The following FAT3 variants were observed in gnomAD, a reference collection of about 807,000 sequenced individuals.
FAT3 encodes the protein FAT atypical cadherin 3.
In FAT3, 95 loss-of-function variants were observed where a neutral mutation model predicts 310.2. That is an observed-to-expected ratio of 0.31 (90% CI 0.26 to 0.36). The LOEUF (loss-of-function observed/expected upper bound fraction) is 0.36, where lower values mean the gene tolerates loss of function less well. FAT3 is among the 10% of genes least tolerant of loss of function. The probability of loss-of-function intolerance (pLI) is 1.00; values close to 1 mark genes in which losing one functional copy is unlikely to be tolerated. For synonymous variants in FAT3, 2,314 were observed against 2,192.9 expected, an observed-to-expected ratio of 1.06 and a Z score of -1.54; for missense variants, 5,408 against 5,715.6, an observed-to-expected ratio of 0.95 and a Z score of 1.74.
chr11:92,675,287 A>G (rs931805734), intron 3 of FAT3, among the ~76,000 whole-genome samples: 4 of 152,248 alleles, frequency 2.6e-5, no homozygotes, highest in South Asian at 2.1e-4. Context: ...TCCTAAATGT[A>G]TAGCTTGGTC....
chr11:92,330,795 T>G (rs2134534551), intron 1 of FAT3, among the ~76,000 whole-genome samples: 1 of 152,340 alleles, frequency 6.6e-6, no homozygotes, highest in South Asian at 2.1e-4. Flanking sequence ...AATTGTTTTA[T>G]TTTTTAGAAT....
chr11:92,416,666 C>G (rs1475775158), intron 2 of FAT3, among the ~76,000 whole-genome samples: 2 of 152,162 alleles, frequency 1.3e-5, no homozygotes, highest in East Asian at 3.9e-4. Context: ...GATGTGAAAA[C>G]AGTTCAAATA....
chr11:92,799,262 C>A lies in FAT3; in HGVS notation c.6249C>A (p.Val2083=). 6.2e-7 allele frequency: 1 copy of A among 1,613,880 alleles called. No homozygotes were observed. Among genetic ancestry groups the A allele is most frequent in the Admixed American group, 1.7e-5 (1 of 60,014 alleles). Residue 2083 remains valine, a synonymous_variant, in exon 10 of 28, where the codon GTC becomes GTA. Transcript: ENST00000525166. ...NIEDINDNSP[V]FVGLPYYAAV... ...AAGACATAAATGACAATTCTCCAGT[C>A]TTTGTGGGCCTCCCATACTATGCTG...
rs1946871983 is a variant in FAT3 at position 92,785,671 on chromosome 11, A to G, written c.4336-4272A>G. Among the ~76,000 whole-genome samples the G allele has an allele frequency of 2.0e-5, 3 of 152,194 alleles. No individual in the cohort carries two copies. The South Asian group carries it at 6.2e-4, about 31-fold the overall frequency. On this transcript the variant is annotated intron_variant, in intron 7 of 27. Coordinates refer to ENST00000525166, the MANE Select transcript of FAT3 (RefSeq NM_001367949.2). ...GTTCAAAACCTATTTAAGGAAAACT[A>G]AATGTTCCCAGAAAAGTAAAACAGT...
At position 92,505,174 on chromosome 11, in the gene FAT3, G is replaced by A. The variant is rs920541664; in HGVS notation, c.3293-19460G>A. Among the ~76,000 whole-genome samples, 6 of 152,236 alleles carry A rather than the reference G, an allele frequency of 3.9e-5. No individual in the cohort carries two copies. In the South Asian group the frequency reaches 6.2e-4, roughly 16 times the overall value. On this transcript the variant is annotated intron_variant, in intron 2 of 27. Transcript: ENST00000525166. ...GAGGTGGTTGTGTGTGCCTACTAGA[G>A]ACTGTCCAGGCCTGCCTGCTACCTC... is the stretch of plus-strand genomic sequence containing the variant.
At chr11:92,625,288 C>A (rs1214856513) in intron 3 of FAT3, among the ~76,000 whole-genome samples, 2 of 152,120 alleles carry the variant, frequency 1.3e-5, no homozygotes, top group Non-Finnish European at 2.9e-5. Context: ...TCTCTGGGTT[C>A]CTCTTGCTTT....
intron 2 of FAT3, among the ~76,000 whole-genome samples, chr11:92,435,400 C>T (rs184546560): frequency 1.3e-5 from 2 of 152,196 alleles, no homozygotes; most frequent in East Asian, 3.9e-4. Context: ...TATGATAATA[C>T]AGCTCTTAAA....
At chr11:92,243,661 C>A (rs557727662) in intron 1 of FAT3, among the ~76,000 whole-genome samples, 27 of 151,970 alleles carry the variant, frequency 1.8e-4, no homozygotes, top group Non-Finnish European at 2.2e-4. Flanking sequence ...TCAGTGTTTG[C>A]AAATGTAATG....
At chr11:92,652,428 T>C (rs537606) in intron 3 of FAT3, among the ~76,000 whole-genome samples, 73,364 of 152,126 alleles carry the variant, frequency 0.48, 17,925 homozygotes, top group African/African-American at 0.49. Context: ...TTTAAGAATT[T>C]ACAAAGACAC....
rs796135559 is a variant in FAT3, at chr11:92,675,570, G to A, written c.3608-21814G>A. On this transcript the variant is annotated intron_variant, in intron 3 of 27. Transcript: ENST00000525166. ...TAGCCTGTGATTTCAAAATACAAGC[G>A]GTGTTAAATGTTCCCAGTAGAGGTT... Among the ~76,000 whole-genome samples the A allele has an allele frequency of 4.0e-4, 61 of 152,204 alleles. 1 individual carries two copies. The highest frequency in any genetic ancestry group is 1.3e-3 in the African/African-American group (54 of 41,530).
At chr11:92,226,694 G>T (rs988574366) in intron 1 of FAT3, among the ~76,000 whole-genome samples, 2 of 151,922 alleles carry the variant, frequency 1.3e-5, no homozygotes, top group Non-Finnish European at 2.9e-5. Context: ...GGCGCCTGCG[G>T]CCCGGAGCGT....
chr11:92,765,430 T>C (rs2136096308), intron 6 of FAT3, among the ~76,000 whole-genome samples: 1 of 152,276 alleles, frequency 6.6e-6, no homozygotes, highest in South Asian at 2.1e-4. Flanking sequence ...TTGCTGTCCT[T>C]CATTTCTCTC....
At chr11:92,740,257 A>G (rs1945468473) in intron 4 of FAT3, among the ~76,000 whole-genome samples, 1 of 152,194 alleles carries the variant, frequency 6.6e-6, no homozygotes, top group Non-Finnish European at 1.5e-5. Flanking sequence ...TTGGCTGGGC[A>G]AAAAGACTAT....
intron 22 of FAT3, among the ~76,000 whole-genome samples, chr11:92,867,744 T>C (rs1949284961): frequency 6.6e-6 from 1 of 152,180 alleles, no homozygotes; most frequent in Non-Finnish European, 1.5e-5. Flanking sequence ...GCAATGTGTA[T>C]ATTAAAAATA....
rs925595900 is a variant in FAT3, at chr11:92,774,167, T to C, written c.4322T>C (p.Val1441Ala). The change falls in exon 7 of 28, where the codon GTT (valine) becomes GCT (alanine). Residue 1441 changes from valine to alanine, a missense_variant. Transcript: ENST00000525166. ...GTGGAAGTCACCGATGGGACAAATG[T>C]TGCTGTTACTCAGGTGAGATGTTAA... ...MSVEVTDGTN[V>A]AVTQVFIKVL... The C allele has an allele frequency of 1.2e-6, 2 of 1,610,936 alleles. No homozygotes were observed. Among genetic ancestry groups the C allele is most frequent in the African/African-American group, 2.7e-5 (2 of 74,854 alleles).
At position 92,449,865 on chromosome 11, in the gene FAT3, A is replaced by C. The variant is rs142699728; in HGVS notation, c.3293-74769A>C. 2.2e-3 allele frequency among the ~76,000 whole-genome samples: 336 copies of C among 152,294 alleles called. 3 individuals are homozygous for C. Among genetic ancestry groups the C allele is most frequent in the African/African-American group, 7.5e-3 (311 of 41,560 alleles). On this transcript the variant is annotated intron_variant, in intron 2 of 27. Transcript: ENST00000525166. ...AATAGGTGGGTATTTTCTCCCTTAG[A>C]TTGGCTTCATCTTTACTTTCACTGT... is the stretch of plus-strand genomic sequence containing the variant.
At position 92,674,948 on chromosome 11, in the gene FAT3, C is replaced by G. The variant is rs552067851; in HGVS notation, c.3608-22436C>G. 2.6e-5 allele frequency among the ~76,000 whole-genome samples: 4 copies of G among 152,248 alleles called. No homozygotes were observed. The South Asian group carries it at 8.3e-4, about 32-fold the overall frequency. On this transcript the variant is annotated intron_variant, in intron 3 of 27. Transcript: ENST00000525166. ...AGGATGTCTTCATAATTAGGCCCTCCTCTGAGAATTAGAACTGCTAGGTTT... is the reference window on the plus strand; with the variant it reads ...AGGATGTCTTCATAATTAGGCCCTCGTCTGAGAATTAGAACTGCTAGGTTT...
In FAT3 at chr11:92,712,057, G is replaced by A. The variant is rs7949947; in HGVS notation, c.3669+14612G>A. On this transcript the variant is annotated intron_variant, in intron 4 of 27. Transcript: ENST00000525166. ...AAATGTGGGCATGCAAGCGACATTC[G>A]CATTTGGCATAGCTGTCTGCATTCT... Among the ~76,000 whole-genome samples the A allele has an allele frequency of 7.9e-3, 1,209 of 152,178 alleles. 28 individuals are homozygous for A. The highest frequency in any genetic ancestry group is 0.028 in the African/African-American group (1,147 of 41,518).
intron 2 of FAT3, among the ~76,000 whole-genome samples, chr11:92,492,614 T>C (rs1009998803): frequency 2.6e-5 from 4 of 151,914 alleles, no homozygotes; most frequent in African/African-American, 9.7e-5. Context: ...GGTTGATAAA[T>C]CCCTTCCTAT....
Sources: allele counts gnomAD v4.1 joint callset (sites outside exome capture counted in the v4.1 genomes callset), GRCh38; gene constraint gnomAD v4.1.1; transcripts MANE v1.5; gene names NCBI Gene and HGNC (gene_info 2026-07-23, HGNC 2026-07-21).